Variants in RARB observed in about 807,000 individuals in gnomAD.
RARB encodes the protein retinoic acid receptor beta.
RARB carries 17 observed loss-of-function variants against 51.9 expected under a neutral mutation model. The ratio of observed to expected loss-of-function variants is 0.33; its 90% CI spans 0.22 to 0.49. The LOEUF (loss-of-function observed/expected upper bound fraction) is 0.49, where lower values mean the gene tolerates loss of function less well. RARB is among the 20% of genes least tolerant of loss of function. RARB has a pLI of 0.99. For missense variants in RARB, 369 were observed against 550.8 expected (o/e 0.67, Z 3.30); for synonymous variants, 215 against 195.4 (o/e 1.10, Z -0.84).
At chr3:25,437,691 C>T (rs1044168405) in intron 1 of RARB, among the ~76,000 whole-genome samples, 4 of 152,166 alleles carry the variant, frequency 2.6e-5, no homozygotes, top group African/African-American at 9.7e-5. Flanking sequence ...ACATTTTTGT[C>T]ACAGTGGAGC....
At chr3:25,051,828 G>C (rs1324663400) in intron 2 of RARB, among the ~76,000 whole-genome samples, 1 of 152,124 alleles carries the variant, frequency 6.6e-6, no homozygotes, top group Non-Finnish European at 1.5e-5. Context: ...TATGCTTGAA[G>C]GGAGGAAGCA....
At chr3:25,569,055 G>T (rs867466629) in intron 3 of RARB, among the ~76,000 whole-genome samples, 14 of 152,348 alleles carry the variant, frequency 9.2e-5, no homozygotes, top group Middle Eastern at 3.4e-3. Flanking sequence ...ACCTGCTGTG[G>T]GTCCAGTGTT....
At chr3:25,364,203 C>T (rs2071660444) in intron 5 of RARB, among the ~76,000 whole-genome samples, 1 of 152,040 alleles carries the variant, frequency 6.6e-6, no homozygotes, top group Admixed American at 6.6e-5. Context: ...AGGATCCTTG[C>T]TTGTTTGGTC....
At chr3:24,850,122 C>T (rs1022865859) in intron 1 of RARB, among the ~76,000 whole-genome samples, 2 of 152,162 alleles carry the variant, frequency 1.3e-5, no homozygotes, top group Non-Finnish European at 1.5e-5. Context: ...TCCTGCAAGC[C>T]CTTTTTCTAG....
chr3:25,449,649 C>T (rs1180084381), intron 1 of RARB, among the ~76,000 whole-genome samples: 4 of 152,132 alleles, frequency 2.6e-5, no homozygotes, highest in Non-Finnish European at 5.9e-5. Context: ...TTTTATTTAG[C>T]AGCTGTATGG....
chr3:25,594,850 A>C (rs1701755136), intron 7 of RARB, among the ~76,000 whole-genome samples, 172 bp downstream of exon 7: 1 of 152,104 alleles, frequency 6.6e-6, no homozygotes. Flanking sequence ...AAAAAAAAAA[A>C]AAAACACCTC....
chr3:25,126,368 T>G (rs745428174), intron 3 of RARB, among the ~76,000 whole-genome samples: 1 of 152,118 alleles, frequency 6.6e-6, no homozygotes, highest in Non-Finnish European at 1.5e-5. Context: ...AGAAATCTAG[T>G]CAGGTGATTT....
In RARB at chr3:25,133,022, G is replaced by C. The variant is rs141040243; in HGVS notation, c.-280+814G>C. Among the ~76,000 whole-genome samples, 836 of 152,004 alleles carry C rather than the reference G, an allele frequency of 5.5e-3. 20 individuals carry two copies. The highest frequency in any genetic ancestry group is 0.033 in the Admixed American group (499 of 15,244). On this transcript the variant is annotated intron_variant, in intron 4 of 11. Transcript: ENST00000383772. The stretch of plus-strand genomic sequence containing the variant: ...CCATTATTTTATACATCAATAAAAA[G>C]TTTTACAACTACTGCTGGTTAAACA...
At chr3:25,081,613 ATATATATAT>A (rs1699001935) in intron 3 of RARB, among the ~76,000 whole-genome samples, 3 of 10,406 alleles carry the variant, frequency 2.9e-4, no homozygotes, top group African/African-American at 1.3e-3. Context: ...ATATATATAT[ATATATATAT>A]TTTTTTTTTT....
chr3:24,943,409 A>C (rs1695710108), intron 2 of RARB, among the ~76,000 whole-genome samples: 1 of 152,140 alleles, frequency 6.6e-6, no homozygotes, highest in Non-Finnish European at 1.5e-5. Flanking sequence ...TATTGAATCC[A>C]TACCCCTTTA....
intron 3 of RARB, among the ~76,000 whole-genome samples, chr3:25,096,337 G>T (rs1411775518): frequency 6.6e-6 from 1 of 152,086 alleles, no homozygotes; most frequent in Non-Finnish European, 1.5e-5. Context: ...CAAGAGGGGA[G>T]AGAAGGAAGA....
chr3:24,927,364 A>AT, intron 2 of RARB, among the ~76,000 whole-genome samples: 1 of 152,078 alleles, frequency 6.6e-6, no homozygotes, highest in East Asian at 1.9e-4. Flanking sequence ...TAAAAGGATA[A>AT]TTTTTTAAGA....
chr3:25,492,119 GA>G (rs1696772307), intron 2 of RARB, among the ~76,000 whole-genome samples: 1 of 152,146 alleles, frequency 6.6e-6, no homozygotes, highest in African/African-American at 2.4e-5. Context: ...CTTGCCTTAT[GA>G]AACTTGCTCC....
rs1702679145 is a variant in RARB, at chr3:25,250,252, C to G, written c.178+75677C>G. Among the ~76,000 whole-genome samples, 4 of 152,248 alleles carry G rather than the reference C, an allele frequency of 2.6e-5. No homozygotes were observed. In the South Asian group the frequency reaches 8.3e-4, roughly 32 times the overall value. Reference sequence around the variant, plus strand: ...TGGGGCAGGGTGATCCCCAGGCATGCTTGTGCATGGATGATGCAGGGCCAG... The same window carrying G: ...TGGGGCAGGGTGATCCCCAGGCATGGTTGTGCATGGATGATGCAGGGCCAG... On this transcript the variant is annotated intron_variant, in intron 5 of 11. Coordinates refer to the RARB transcript ENST00000383772.
At chr3:25,292,463 C>T (rs930106473) in intron 5 of RARB, among the ~76,000 whole-genome samples, 18 of 152,098 alleles carry the variant, frequency 1.2e-4, no homozygotes, top group Admixed American at 4.6e-4. Context: ...GCCCCGTCTT[C>T]CTTTGAGGTG....
rs1575234891 is a variant in RARB at position 25,227,166 on chromosome 3, G to A, written c.178+52591G>A. On this transcript the variant is annotated intron_variant, in intron 5 of 11. Transcript: ENST00000383772. ...ATGGGCTCGTGGGCTCACTGAGGAGGTAAATATGTTTGCTGAAACGATATT... is the reference window on the plus strand; with the variant it reads ...ATGGGCTCGTGGGCTCACTGAGGAGATAAATATGTTTGCTGAAACGATATT... Among the ~76,000 whole-genome samples, 3 of 152,288 alleles carry A rather than the reference G, an allele frequency of 2.0e-5. No homozygotes were observed. In the Middle Eastern group the frequency reaches 0.01, roughly 518 times the overall value.
Position 25,593,562 on chromosome 3 carries a change from C to T in RARB, c.846C>T (p.Gly282=). The T allele has an allele frequency of 6.2e-7, 1 of 1,614,062 alleles. No individual in the cohort carries two copies. Among genetic ancestry groups the T allele is most frequent in the African/African-American group, 1.3e-5 (1 of 75,012 alleles). Residue 282 remains glycine, a synonymous_variant, in exon 6 of 8, where the codon GGC becomes GGT. Transcript: ENST00000330688. ...PEQDTMTFSD[G]LTLNRTQMHN... ...AAGACACCATGACTTTCTCAGACGG[C>T]CTTACCCTAAATCGAACTCAGATGC... is the stretch of plus-strand genomic sequence containing the variant.
At chr3:25,144,698 A>G (rs1321197549) in intron 4 of RARB, among the ~76,000 whole-genome samples, 3 of 152,208 alleles carry the variant, frequency 2.0e-5, no homozygotes, top group Non-Finnish European at 4.4e-5. Flanking sequence ...GAATAACACT[A>G]CTGCTAGCAT....
chr3:25,215,314 A>T (rs556072201), intron 5 of RARB, among the ~76,000 whole-genome samples: 1 of 152,348 alleles, frequency 6.6e-6, no homozygotes, highest in South Asian at 2.1e-4. Context: ...CTTTTTTTTA[A>T]GAAAGCATGG....
Sources: allele counts gnomAD v4.1 joint callset (sites outside exome capture counted in the v4.1 genomes callset), GRCh38; gene constraint gnomAD v4.1.1; transcripts MANE v1.5; gene names NCBI Gene and HGNC (gene_info 2026-07-23, HGNC 2026-07-21).